ROBO1: variants seen among roughly 807,000 people sequenced by gnomAD.
ROBO1 encodes the protein roundabout homolog 1.
In ROBO1, 149 loss-of-function variants were observed where a neutral mutation model predicts 195.9. That is an observed-to-expected ratio of 0.76 (90% CI 0.67 to 0.87). The LOEUF is 0.87. ROBO1 is among the 40% of genes least tolerant of loss of function. The pLI is 0.00. For synonymous variants in ROBO1, 816 were observed against 733.2 expected (o/e 1.11, Z -1.82); for missense variants, 1,933 against 2,068.3 (o/e 0.93, Z 1.27).
At chr3:78,667,796 C>G in intron 14 of ROBO1, 87 bp downstream of exon 14, 6 of 1,348,692 alleles carry the variant, frequency 4.4e-6, no homozygotes, top group Non-Finnish European at 6.1e-6. Flanking sequence ...ATGTACAATT[C>G]TAGCATGTAG....
chr3:79,064,332 C>CT (rs895213761), intron 3 of ROBO1, among the ~76,000 whole-genome samples: 16 of 151,970 alleles, frequency 1.1e-4, no homozygotes, highest in Non-Finnish European at 1.8e-4. Flanking sequence ...CAAGTGTACT[C>CT]TGATTTTCTT....
At chr3:79,246,370 A>T (rs2082624273) in intron 2 of ROBO1, among the ~76,000 whole-genome samples, 1 of 152,126 alleles carries the variant, frequency 6.6e-6, no homozygotes, top group Non-Finnish European at 1.5e-5. Flanking sequence ...TGGTGAATGA[A>T]CTTGAACAGT....
chr3:78,935,546 T>A (rs1018895574), intron 4 of ROBO1, among the ~76,000 whole-genome samples: 1 of 152,050 alleles, frequency 6.6e-6, no homozygotes, highest in Non-Finnish European at 1.5e-5. Context: ...ATTGGTGATA[T>A]TGGTTACAGG....
At chr3:78,890,929 T>C (rs112383147) in intron 4 of ROBO1, among the ~76,000 whole-genome samples, 19 of 152,254 alleles carry the variant, frequency 1.2e-4, no homozygotes, top group African/African-American at 4.6e-4. Flanking sequence ...GCCCAACTAA[T>C]GTTTTTTTAG....
intron 2 of ROBO1, among the ~76,000 whole-genome samples, chr3:79,470,205 AT>A (rs1938192983): frequency 6.6e-6 from 1 of 152,180 alleles, no homozygotes; most frequent in Non-Finnish European, 1.5e-5. Flanking sequence ...TGTGGCACAT[AT>A]ACACCATGGA....
intron 2 of ROBO1, among the ~76,000 whole-genome samples, chr3:79,228,792 AT>A (rs2082270458): frequency 6.6e-6 from 1 of 152,178 alleles, no homozygotes; most frequent in African/African-American, 2.4e-5. Context: ...AGTTTGCAAA[AT>A]AACAAATGAT....
chr3:79,496,703 T>C (rs948694909), intron 2 of ROBO1, among the ~76,000 whole-genome samples: 18 of 152,116 alleles, frequency 1.2e-4, no homozygotes, highest in African/African-American at 4.1e-4. Context: ...ATCATTTTTA[T>C]ACCTATCAAA....
At chr3:78,602,539 C>A (rs1291989404) in intron 29 of ROBO1, among the ~76,000 whole-genome samples, 2 of 152,072 alleles carry the variant, frequency 1.3e-5, no homozygotes, top group African/African-American at 4.8e-5. Flanking sequence ...CTTCTACTGA[C>A]CCTAGGTGAT....
chr3:78,778,241 T>A (rs1276226964), intron 4 of ROBO1, among the ~76,000 whole-genome samples: 4 of 152,168 alleles, frequency 2.6e-5, no homozygotes, highest in African/African-American at 9.7e-5. Context: ...TTTGCCAGTA[T>A]TTTATAGAGG....
At chr3:79,502,887 G>T (rs1029332559) in intron 2 of ROBO1, among the ~76,000 whole-genome samples, 83 of 152,086 alleles carry the variant, frequency 5.5e-4, no homozygotes, top group African/African-American at 1.9e-3. Context: ...CTAGCTCAGG[G>T]ATTGTAAATG....
At chr3:78,734,012 C>T (rs1258932747) in intron 5 of ROBO1, among the ~76,000 whole-genome samples, 1 of 152,152 alleles carries the variant, frequency 6.6e-6, no homozygotes, top group Admixed American at 6.5e-5. Flanking sequence ...AGCACTTCTG[C>T]TTAATATACT....
At chr3:78,862,815 G>T (rs994938662) in intron 4 of ROBO1, among the ~76,000 whole-genome samples, 5 of 152,160 alleles carry the variant, frequency 3.3e-5, no homozygotes, top group African/African-American at 9.7e-5. Context: ...GGTGAGGAAT[G>T]TTTATATCAG....
intron 5 of ROBO1, among the ~76,000 whole-genome samples, chr3:78,723,841 G>A (rs1310195586): frequency 5.3e-5 from 8 of 151,906 alleles, no homozygotes; most frequent in African/African-American, 1.7e-4. Context: ...AGGAAGGAAG[G>A]GATACAATTA....
chr3:79,275,267 A>G (rs2030930341), intron 2 of ROBO1, among the ~76,000 whole-genome samples: 1 of 151,958 alleles, frequency 6.6e-6, no homozygotes, highest in Admixed American at 6.6e-5. Flanking sequence ...AACAACATAT[A>G]AAAGATCATT....
In ROBO1 at chr3:78,688,696, T is replaced by C. The variant is rs754121418; in HGVS notation, c.1122A>G (p.Ala374=). The C allele has an allele frequency of 1.2e-6, 2 of 1,608,328 alleles. No individual in the cohort carries two copies. Among genetic ancestry groups the C allele is most frequent in the Non-Finnish European group, 1.7e-6 (2 of 1,177,166 alleles). ...LGRTVTFQCE[A]TGNPQPAIFW... is the part of the protein sequence containing the mutation. ...AAATAGCTGGTTGAGGATTTCCGGT[T>C]GCTTCACACTGAAAAGTTACAGTCC... Residue 374 remains alanine (A), a synonymous_variant, in exon 9 of 31, where the codon GCA becomes GCG. Transcript: ENST00000464233.
At chr3:79,030,871 A>G (rs886614067) in intron 3 of ROBO1, among the ~76,000 whole-genome samples, 2 of 151,990 alleles carry the variant, frequency 1.3e-5, no homozygotes, top group African/African-American at 4.8e-5. Flanking sequence ...ACAGGCACGC[A>G]CTGCCACACC....
intron 2 of ROBO1, among the ~76,000 whole-genome samples, chr3:79,410,603 G>A (rs923817552): frequency 1.4e-5 from 2 of 142,964 alleles, no homozygotes; most frequent in Non-Finnish European, 3.0e-5. Context: ...AGAGGAAGAA[G>A]AAAGAAAGAA....
intron 5 of ROBO1, among the ~76,000 whole-genome samples, chr3:78,721,552 T>C (rs896944947): frequency 1.3e-5 from 2 of 152,160 alleles, no homozygotes; most frequent in Non-Finnish European, 2.9e-5. Flanking sequence ...ATAAAAGATA[T>C]ACCAAAATAA....
chr3:79,521,276 G>T lies in ROBO1; in HGVS notation c.88+68548C>A, dbSNP rs759276809. Among the ~76,000 whole-genome samples, 4 of 152,114 alleles carry T rather than the reference G, an allele frequency of 2.6e-5. No homozygotes were observed. In the South Asian group the frequency reaches 8.3e-4, roughly 32 times the overall value. ...AAGAAAGCATCATCTTGCCTTAAATGTCTGACTATTTATCAAGAAAATATA... is the reference window on the plus strand; with the variant it reads ...AAGAAAGCATCATCTTGCCTTAAATTTCTGACTATTTATCAAGAAAATATA... On this transcript the variant is annotated intron_variant, in intron 2 of 30. Coordinates refer to ENST00000464233, the MANE Select transcript of ROBO1 (RefSeq NM_002941.4).
Sources: gnomAD v4.1 joint callset for allele counts (sites outside exome capture counted in the v4.1 genomes callset) on GRCh38, gnomAD v4.1.1 for gene constraint, MANE v1.5 for transcripts, NCBI Gene and HGNC (gene_info 2026-07-23, HGNC 2026-07-21) for gene names.